The following FNIP1 variants were observed in gnomAD, a reference collection of about 807,000 sequenced individuals.
FNIP1 encodes the protein folliculin interacting protein 1, also known as folliculin-interacting protein 1.
A neutral mutation model predicts 124.5 loss-of-function variants in FNIP1; 40 were observed. The observed-to-expected ratio is 0.32, with a 90% CI of 0.25 to 0.42. The LOEUF (loss-of-function observed/expected upper bound fraction) is 0.42, where lower values mean the gene tolerates loss of function less well. FNIP1 is among the 10% of genes least tolerant of loss of function. The probability of loss-of-function intolerance (pLI) is 1.00; values close to 1 mark genes in which losing one functional copy is unlikely to be tolerated. For synonymous variants in FNIP1, 472 were observed against 470.6 expected (o/e 1.00, Z -0.04); for missense variants, 1,176 against 1,403.7 (o/e 0.84, Z 2.59).
chr5:131,674,187 G>A (rs1203183386), intron 13 of FNIP1, among the ~76,000 whole-genome samples: 1 of 152,116 alleles, frequency 6.6e-6, no homozygotes. Context: ...TCCCTAGAGG[G>A]TTGGGTACTC....
chr5:131,718,989 T>G lies in FNIP1; in HGVS notation c.527A>C (p.Asn176Thr), dbSNP rs747144983. The G allele has an allele frequency of 1.2e-6, 2 of 1,612,942 alleles. No individual in the cohort carries two copies. Among genetic ancestry groups the G allele is most frequent in the Non-Finnish European group, 1.7e-6 (2 of 1,179,092 alleles). The change falls in exon 5 of 18, where the codon AAT (asparagine) becomes ACT (threonine). Residue 176 changes from asparagine (N) to threonine (T), a missense_variant. By Grantham distance (65) the Asn-to-Thr change is moderately conservative. Around this residue, in one of 2 missense-constraint regions of FNIP1, gnomAD observed 1,109 missense variants for 1,288.5 expected, o/e 0.86. Coordinates refer to ENST00000510461, the MANE Select transcript of FNIP1 (RefSeq NM_133372.3). ...RTGSSICGSL[N>T]TLQDSLEFIN... Reference sequence around the variant, plus strand: ...CCCTGTATCCATAAGCACTTACGTATTGAGACTCCCACAAATACTGCTGCC... The same window carrying G: ...CCCTGTATCCATAAGCACTTACGTAGTGAGACTCCCACAAATACTGCTGCC...
intron 15 of FNIP1, 141 bp downstream of exon 15, chr5:131,670,321 CG>C: frequency 1.7e-6 from 1 of 605,528 alleles, no homozygotes; most frequent in Non-Finnish European, 2.7e-6. Flanking sequence ...TACAAAGATA[CG>C]GGCACTGAAT....
chr5:131,719,186 T>C, intron 4 of FNIP1, 126 bp from the exon 5 acceptor site: 1 of 1,131,100 alleles, frequency 8.8e-7, no homozygotes, highest in Non-Finnish European at 1.3e-6. Flanking sequence ...TGAAGTAGCA[T>C]TAAAACCATA....
chr5:131,707,881 A>T (rs1166784425), intron 8 of FNIP1, among the ~76,000 whole-genome samples: 2 of 152,172 alleles, frequency 1.3e-5, no homozygotes, highest in Non-Finnish European at 2.9e-5. Context: ...AAGTATAAAT[A>T]AATTATACTT....
chr5:131,659,837 G>A (rs1283158968), intron 15 of FNIP1, among the ~76,000 whole-genome samples: 1 of 152,204 alleles, frequency 6.6e-6, no homozygotes, highest in Non-Finnish European at 1.5e-5. Flanking sequence ...GCCACATGCA[G>A]CTCATTGTAG....
At chr5:131,794,961 T>C (rs1359436709) in intron 1 of FNIP1, among the ~76,000 whole-genome samples, 3 of 152,234 alleles carry the variant, frequency 2.0e-5, no homozygotes, top group Non-Finnish European at 4.4e-5. Context: ...CTGTATACGA[T>C]GTATGCTTAA....
intron 7 of FNIP1, among the ~76,000 whole-genome samples, chr5:131,709,716 G>T (rs545569368): frequency 6.6e-6 from 1 of 152,080 alleles, no homozygotes; most frequent in South Asian, 2.1e-4. Flanking sequence ...TGAATAGTAT[G>T]ATCCCCATTT....
At chr5:131,727,783 T>C (rs143702962) in intron 3 of FNIP1, among the ~76,000 whole-genome samples, 1 of 152,224 alleles carries the variant, frequency 6.6e-6, no homozygotes, top group Admixed American at 6.5e-5. Flanking sequence ...CAACAGTGTT[T>C]ACAATTTCAT....
intron 13 of FNIP1, among the ~76,000 whole-genome samples, chr5:131,675,893 T>C (rs529651530): frequency 6.6e-6 from 1 of 152,120 alleles, no homozygotes; most frequent in South Asian, 2.1e-4. Context: ...AGATTCTCGC[T>C]CTGTCACCCA....
chr5:131,709,340 TA>T, intron 7 of FNIP1, 68 bp from the exon 8 acceptor site: 2 of 1,349,166 alleles, frequency 1.5e-6, no homozygotes, highest in Non-Finnish European at 2.1e-6. Flanking sequence ...CAGCTCCTTT[TA>T]AATAGCAAAC....
At chr5:131,667,352 A>T (rs1367033305) in intron 15 of FNIP1, among the ~76,000 whole-genome samples, 1 of 152,252 alleles carries the variant, frequency 6.6e-6, no homozygotes, top group African/African-American at 2.4e-5. Flanking sequence ...CTAGCCTTTA[A>T]ATATGAAGAT....
chr5:131,764,943 C>T (rs1580820463), intron 1 of FNIP1, among the ~76,000 whole-genome samples: 1 of 152,112 alleles, frequency 6.6e-6, no homozygotes, highest in South Asian at 2.1e-4. Flanking sequence ...CATCATACGG[C>T]TGGGTGTGGT....
intron 1 of FNIP1, among the ~76,000 whole-genome samples, chr5:131,759,083 C>G (rs756298363): frequency 6.6e-6 from 1 of 151,728 alleles, no homozygotes; most frequent in Non-Finnish European, 1.5e-5. Flanking sequence ...ACTTTTTAAC[C>G]GTATAAAAAA....
intron 13 of FNIP1, among the ~76,000 whole-genome samples, chr5:131,676,567 G>C (rs1003316887): frequency 2.0e-5 from 3 of 152,040 alleles, no homozygotes; most frequent in Admixed American, 6.5e-5. Flanking sequence ...AGACCAGCCT[G>C]GGGGAACATG....
Position 131,715,965 on chromosome 5 carries a change from G to A in FNIP1, c.622+600C>T, listed in dbSNP as rs189460551. Reference sequence around the variant, plus strand: ...TAGCTTTTTATGCACCAGAAGTATCGCAATACAGCAGCAGTTCAGTTGAGC... The same window carrying A: ...TAGCTTTTTATGCACCAGAAGTATCACAATACAGCAGCAGTTCAGTTGAGC... On this transcript the variant is annotated intron_variant, in intron 6 of 17. Coordinates refer to ENST00000510461, the MANE Select transcript of FNIP1 (RefSeq NM_133372.3). Among the ~76,000 whole-genome samples, 733 of 152,142 alleles carry A rather than the reference G, an allele frequency of 4.8e-3. 5 individuals are homozygous for A. Among genetic ancestry groups the A allele is most frequent in the African/African-American group, 0.017 (691 of 41,514 alleles).
Position 131,672,363 on chromosome 5 carries a change from A to C in FNIP1, c.2081T>G (p.Leu694Trp). The change falls in exon 14 of 18, where the codon TTG becomes TGG. Residue 694 changes from leucine to tryptophan, a missense_variant. Physicochemically the swap from Leu to Trp is moderately conservative, Grantham distance 61. Around this residue, in one of 2 missense-constraint regions of FNIP1, gnomAD observed 1,109 missense variants for 1,288.5 expected, o/e 0.86. Coordinates refer to ENST00000510461, the MANE Select transcript of FNIP1 (RefSeq NM_133372.3). ...TGSVPVDKCA[L>W]SESGLESTEE... ...TGTTGACTCTAAGCCTGACTCTGAC[A>C]ATGCACATTTGTCTACTGGAACAGA... The C allele has an allele frequency of 1.2e-6, 2 of 1,614,208 alleles. No homozygotes were observed. Among genetic ancestry groups the C allele is most frequent in the Non-Finnish European group, 1.7e-6 (2 of 1,180,030 alleles).
intron 1 of FNIP1, among the ~76,000 whole-genome samples, chr5:131,773,223 A>G (rs1323207313): frequency 1.3e-5 from 2 of 152,150 alleles, no homozygotes; most frequent in African/African-American, 2.4e-5. Flanking sequence ...ATCTAGCTCT[A>G]TTAATAACTA....
At chr5:131,762,654 T>G (rs1295556380) in intron 1 of FNIP1, among the ~76,000 whole-genome samples, 2 of 152,144 alleles carry the variant, frequency 1.3e-5, no homozygotes, top group Non-Finnish European at 2.9e-5. Context: ...TTGGTAGGAA[T>G]GTTAGTATGA....
At chr5:131,673,072 G>T (rs1401538989) in intron 13 of FNIP1, 148 bp from the exon 14 acceptor site, 2 of 566,014 alleles carry the variant, frequency 3.5e-6, no homozygotes, top group East Asian at 3.0e-5. Flanking sequence ...TTTTGAGACA[G>T]GGTCTCACAC....
Sources: allele counts gnomAD v4.1 joint callset (sites outside exome capture counted in the v4.1 genomes callset), GRCh38; gene constraint gnomAD v4.1.1; regional missense constraint gnomAD v4.1.1; transcripts MANE v1.5; gene names NCBI Gene and HGNC (gene_info 2026-07-23, HGNC 2026-07-21).